EEIG2: variants seen among roughly 807,000 people sequenced by gnomAD.
EEIG2 encodes family with sequence similarity 102 member B.
chr1:108,594,197 G>A, the EEIG2 span, among the ~76,000 whole-genome samples: 2 of 152,160 alleles, frequency 1.3e-5, no homozygotes, highest in African/African-American at 4.8e-5. Context: ...AAGGACAGAA[G>A]CTTGGTGGAC....
chr1:108,619,208 T>G, the EEIG2 span, among the ~76,000 whole-genome samples: 1 of 152,212 alleles, frequency 6.6e-6, no homozygotes, highest in East Asian at 1.9e-4. Flanking sequence ...TCTCCATAAA[T>G]TTAATTCTGA....
At chr1:108,586,001 T>A in the EEIG2 span, among the ~76,000 whole-genome samples, 1 of 152,096 alleles carries the variant, frequency 6.6e-6, no homozygotes, top group Non-Finnish European at 1.5e-5. Context: ...TATTATAGAG[T>A]TCCTTTTTGA....
chr1:108,631,432 A>T, the EEIG2 span, among the ~76,000 whole-genome samples: 1 of 152,226 alleles, frequency 6.6e-6, no homozygotes, highest in Non-Finnish European at 1.5e-5. Flanking sequence ...TTTTTTACAG[A>T]TGAGATGGAC....
At chr1:108,623,038 C>G in the EEIG2 span, among the ~76,000 whole-genome samples, 4 of 152,060 alleles carry the variant, frequency 2.6e-5, no homozygotes, top group Non-Finnish European at 5.9e-5. Flanking sequence ...AGTTAGAGAC[C>G]AGCCTGGGCA....
At chr1:108,585,929 T>C in the EEIG2 span, among the ~76,000 whole-genome samples, 4 of 152,104 alleles carry the variant, frequency 2.6e-5, no homozygotes, top group African/African-American at 9.7e-5. Context: ...CCCGAACATA[T>C]TCTTTTGAAC....
the EEIG2 span, among the ~76,000 whole-genome samples, chr1:108,614,012 T>G: frequency 1.3e-5 from 2 of 151,982 alleles, no homozygotes; most frequent in Non-Finnish European, 2.9e-5. Flanking sequence ...GTTTTCTTCC[T>G]CCTACCACTG....
the EEIG2 span, among the ~76,000 whole-genome samples, chr1:108,618,803 C>T: frequency 6.7e-6 from 1 of 150,160 alleles, no homozygotes; most frequent in Admixed American, 6.6e-5. Flanking sequence ...CACCACTATA[C>T]TCCAGCCTGG....
the EEIG2 span, among the ~76,000 whole-genome samples, chr1:108,561,333 C>T: frequency 1.3e-5 from 2 of 152,302 alleles, no homozygotes; most frequent in Admixed American, 1.3e-4. Context: ...GAGCTACTCA[C>T]AGGTTGACAG....
At chr1:108,560,344 TG>T in the EEIG2 span, 1 of 1,067,982 alleles carries the variant, frequency 9.4e-7, no homozygotes. Context: ...GCCCCGGCCA[TG>T]GGGCTGGGCT....
chr1:108,593,817 G>C, the EEIG2 span, among the ~76,000 whole-genome samples: 1 of 151,906 alleles, frequency 6.6e-6, no homozygotes, highest in Non-Finnish European at 1.5e-5. Context: ...TGTTTTGTTT[G>C]TTTTTTGAGA....
chr1:108,566,883 G>A, the EEIG2 span, among the ~76,000 whole-genome samples: 343 of 152,168 alleles, frequency 2.3e-3, no homozygotes, highest in African/African-American at 8.0e-3. Flanking sequence ...TGGTCATAGG[G>A]CACAAAGTTT....
At chr1:108,571,396 G>A in the EEIG2 span, among the ~76,000 whole-genome samples, 1 of 152,148 alleles carries the variant, frequency 6.6e-6, no homozygotes, top group Non-Finnish European at 1.5e-5. Flanking sequence ...TCTATGAAGA[G>A]ACTAAGAGTA....
At chr1:108,624,347 C>G in the EEIG2 span, among the ~76,000 whole-genome samples, 1 of 151,806 alleles carries the variant, frequency 6.6e-6, no homozygotes, top group South Asian at 2.1e-4. Context: ...TTAGAGCAAC[C>G]CTCCCTTGAC....
chr1:108,592,950 G>T, the EEIG2 span, among the ~76,000 whole-genome samples: 1 of 152,084 alleles, frequency 6.6e-6, no homozygotes, highest in Non-Finnish European at 1.5e-5. Context: ...TTGAGTTTAG[G>T]AGTTTGAGAT....
the EEIG2 span, among the ~76,000 whole-genome samples, chr1:108,608,086 C>G: frequency 6.6e-6 from 1 of 152,208 alleles, no homozygotes; most frequent in Admixed American, 6.5e-5. Flanking sequence ...CATGAACACA[C>G]AAGTAAACAC....
At chr1:108,572,655 G>A in the EEIG2 span, among the ~76,000 whole-genome samples, 2 of 151,796 alleles carry the variant, frequency 1.3e-5, no homozygotes, top group Admixed American at 6.6e-5. Flanking sequence ...TCGCCCTGTC[G>A]CCCAGGCTGG....
At chr1:108,560,516 T>A in the EEIG2 span, 3 of 1,613,074 alleles carry the variant, frequency 1.9e-6, no homozygotes, top group Non-Finnish European at 2.5e-6. Context: ...GGTCCTCTTC[T>A]GCAAGATGCG....
chr1:108,562,021 C>T, the EEIG2 span, among the ~76,000 whole-genome samples: 6 of 152,154 alleles, frequency 3.9e-5, no homozygotes, highest in South Asian at 1.2e-3. Flanking sequence ...CTTATTCTTT[C>T]GTTGTAGGCA....
At chr1:108,560,433 T>TGAA in the EEIG2 span, 2 of 1,607,396 alleles carry the variant, frequency 1.2e-6, no homozygotes, top group Non-Finnish European at 1.7e-6. Flanking sequence ...CTCACGATGA[T>TGAA]GAAGAAGAAG....
Sources: allele counts gnomAD v4.1 joint callset (sites outside exome capture counted in the v4.1 genomes callset), GRCh38; gene constraint gnomAD v4.1.1; transcripts MANE v1.5; gene names NCBI Gene and HGNC (gene_info 2026-07-23, HGNC 2026-07-21).